FAM135A: variants seen among roughly 807,000 people sequenced by gnomAD.
FAM135A encodes family with sequence similarity 135 member A.
In FAM135A, 79 loss-of-function variants were observed where a neutral mutation model predicts 146.8. The observed-to-expected ratio is 0.54, with a 90% CI of 0.45 to 0.65. FAM135A has a LOEUF of 0.65. FAM135A is among the 30% of genes least tolerant of loss of function. FAM135A has a pLI of 0.00. For synonymous variants in FAM135A, 562 were observed against 603.6 expected (o/e 0.93, Z 1.01); for missense variants, 1,623 against 1,758.2 (o/e 0.92, Z 1.38).
intron 11 of FAM135A, among the ~76,000 whole-genome samples, chr6:70,496,473 T>A (rs1467399051): frequency 6.7e-6 from 1 of 148,574 alleles, no homozygotes; most frequent in Non-Finnish European, 1.5e-5. Flanking sequence ...CTCTGATGAG[T>A]TTGTTCTGCT....
At chr6:70,500,636 A>C (rs1367391365) in intron 11 of FAM135A, among the ~76,000 whole-genome samples, 2 of 152,184 alleles carry the variant, frequency 1.3e-5, no homozygotes, top group African/African-American at 4.8e-5. Flanking sequence ...TTAATCTTTG[A>C]GGCTGATGGC....
At chr6:70,542,687 G>A (rs931574466) in intron 20 of FAM135A, among the ~76,000 whole-genome samples, 1 of 152,068 alleles carries the variant, frequency 6.6e-6, no homozygotes, top group Non-Finnish European at 1.5e-5. Context: ...CCAATCTTAT[G>A]TCTCCAGGAC....
intron 4 of FAM135A, among the ~76,000 whole-genome samples, chr6:70,439,929 A>T (rs2127932983): frequency 6.6e-6 from 1 of 152,356 alleles, no homozygotes; most frequent in Middle Eastern, 3.4e-3. Context: ...TCCAACAGAT[A>T]AGGACTTCTG....
At chr6:70,494,113 T>C (rs1436060581) in intron 11 of FAM135A, among the ~76,000 whole-genome samples, 1 of 151,518 alleles carries the variant, frequency 6.6e-6, no homozygotes, top group East Asian at 1.9e-4. Context: ...AGGAAAATGT[T>C]CATACTGTAT....
rs1381708258 is a variant in FAM135A, at chr6:70,526,146, T to A, written c.3062T>A (p.Leu1021Gln). Residue 1021 changes from leucine to glutamine, a missense_variant, in exon 15 of 22, where the codon CTG (leucine) becomes CAG (glutamine). Leu to Gln is a moderately radical substitution (Grantham distance 113). Coordinates refer to ENST00000418814, the MANE Select transcript of FAM135A (RefSeq NM_001162529.3). ...EIPTVESETH[L>Q]GTSDPFSAST... ...CCTACAGTTGAAAGTGAAACTCATC[T>A]GGGTACAAGTGATCCTTTTTCAGCC... The A allele has an allele frequency of 6.2e-7, 1 of 1,613,590 alleles. No individual in the cohort carries two copies. The highest frequency in any genetic ancestry group is 2.2e-5 in the East Asian group (1 of 44,862).
At chr6:70,426,259 AATATTG>A (rs1427065537) in intron 2 of FAM135A, among the ~76,000 whole-genome samples, 174 bp from the exon 3 acceptor site, 10 of 151,254 alleles carry the variant, frequency 6.6e-5, no homozygotes, top group Admixed American at 5.9e-4. Context: ...TATAATAGTT[AATATTG>A]ATATTGAAAT....
chr6:70,459,631 T>C (rs1170163328), intron 5 of FAM135A, among the ~76,000 whole-genome samples: 2 of 152,230 alleles, frequency 1.3e-5, no homozygotes, highest in East Asian at 3.8e-4. Context: ...AATGATAGTA[T>C]TATTAAGATT....
At chr6:70,431,787 T>G (rs1771699421) in intron 4 of FAM135A, among the ~76,000 whole-genome samples, 1 of 152,180 alleles carries the variant, frequency 6.6e-6, no homozygotes, top group African/African-American at 2.4e-5. Flanking sequence ...GAAGACTAGC[T>G]AGAAAACAAA....
intron 12 of FAM135A, among the ~76,000 whole-genome samples, chr6:70,505,274 T>G (rs1196893841): frequency 6.6e-6 from 1 of 152,172 alleles, no homozygotes; most frequent in Non-Finnish European, 1.5e-5. Flanking sequence ...ATATTTAATG[T>G]ATGGCCCATA....
chr6:70,520,749 A>G (rs1434454294), intron 12 of FAM135A, among the ~76,000 whole-genome samples: 1 of 152,224 alleles, frequency 6.6e-6, no homozygotes, highest in African/African-American at 2.4e-5. Flanking sequence ...CTTTTGCCTG[A>G]AAATTAGCTG....
At chr6:70,490,925 T>C in intron 10 of FAM135A, 109 bp from the exon 11 acceptor site, 1 of 602,910 alleles carries the variant, frequency 1.7e-6, no homozygotes. Context: ...ATTTAATTCA[T>C]TGAATACAGT....
intron 5 of FAM135A, among the ~76,000 whole-genome samples, chr6:70,466,024 G>T (rs1191476036): frequency 6.6e-6 from 1 of 152,106 alleles, no homozygotes; most frequent in Non-Finnish European, 1.5e-5. Flanking sequence ...ATAGCACTCT[G>T]TCTTCTGTAC....
At chr6:70,458,172 A>T (rs928532395) in intron 5 of FAM135A, among the ~76,000 whole-genome samples, 1 of 152,080 alleles carries the variant, frequency 6.6e-6, no homozygotes, top group African/African-American at 2.4e-5. Context: ...TTTTTAGAAG[A>T]TTATATACTT....
At chr6:70,442,239 G>GTTTTT (rs1264461872) in intron 4 of FAM135A, among the ~76,000 whole-genome samples, 2 of 125,960 alleles carry the variant, frequency 1.6e-5, no homozygotes, top group African/African-American at 5.6e-5. Context: ...TTCTTCATGG[G>GTTTTT]TTTTTTTTTT....
intron 12 of FAM135A, among the ~76,000 whole-genome samples, chr6:70,517,680 T>A (rs113195067): frequency 0.2 from 30,689 of 151,972 alleles, 3,400 homozygotes; most frequent in African/African-American, 0.29. Flanking sequence ...CGGCCTCCCA[T>A]AGTGGTGGGA....
At chr6:70,496,314 T>C (rs941634014) in intron 11 of FAM135A, among the ~76,000 whole-genome samples, 2 of 152,168 alleles carry the variant, frequency 1.3e-5, no homozygotes, top group African/African-American at 4.8e-5. Context: ...TCTTTTGAGA[T>C]GTGTCTGTTC....
chr6:70,456,440 C>T (rs1196900015), intron 5 of FAM135A, among the ~76,000 whole-genome samples: 2 of 152,078 alleles, frequency 1.3e-5, no homozygotes, highest in African/African-American at 2.4e-5. Context: ...CTTTGTTTTT[C>T]GCAGATTCCA....
chr6:70,526,740 CATAT>C lies in FAM135A; in HGVS notation c.3614+50_3614+53del, dbSNP rs370453074. 778 of 1,036,216 alleles carry C rather than the reference CATAT, an allele frequency of 7.5e-4. 3 individuals carry two copies. The highest frequency in any genetic ancestry group is 1.0e-3 in the Non-Finnish European group (737 of 717,084). 64.2% of individuals were successfully genotyped at this position (1,036,216 alleles called of 1,614,324 possible). On this transcript the variant is annotated intron_variant, in intron 15 of 21. Transcript: ENST00000418814. ...AATAGTACCTGCTGCTAAATATATA[CATAT>C]ATATATACACACACACACACATACA...
At chr6:70,510,511 A>G (rs1790749554) in intron 12 of FAM135A, among the ~76,000 whole-genome samples, 2 of 152,102 alleles carry the variant, frequency 1.3e-5, no homozygotes, top group African/African-American at 4.8e-5. Flanking sequence ...TGGAAGTTTC[A>G]TATAAATGTA....
Sources: allele counts gnomAD v4.1 joint callset (sites outside exome capture counted in the v4.1 genomes callset), GRCh38; gene constraint gnomAD v4.1.1; transcripts MANE v1.5; gene names NCBI Gene and HGNC (gene_info 2026-07-23, HGNC 2026-07-21).